RLF: variants seen among roughly 807,000 people sequenced by gnomAD.
RLF encodes RLF zinc finger, also known as zinc finger protein Rlf.
RLF carries 7 observed loss-of-function variants against 162.9 expected under a neutral mutation model. The observed-to-expected ratio is 0.04, with a 90% CI of 0.02 to 0.08. The LOEUF (loss-of-function observed/expected upper bound fraction) is 0.08, where lower values mean the gene tolerates loss of function less well. Among genes scored for constraint, RLF ranks in the 10% least tolerant of loss-of-function variants. RLF has a pLI of 1.00. For missense variants in RLF, 1,664 were observed against 2,244.7 expected (o/e 0.74, Z 5.23); for synonymous variants, 782 against 791.5 (o/e 0.99, Z 0.20).
rs1410420751 is a variant in RLF, at chr1:40,238,957, T to A, written c.4255T>A (p.Tyr1419Asn). Residue 1419 changes from tyrosine (Y) to asparagine (N), a missense_variant, in exon 8 of 8, where the codon TAT becomes AAT. Physicochemically the swap from Tyr to Asn is moderately radical, Grantham distance 143 (BLOSUM62 -2). Transcript: ENST00000372771. This position sits in a 1 kb window ranked among gnomAD's most constrained non-coding sequence, Gnocchi z 5.2. The part of the protein sequence containing the change: ...CNQPQCPAVF[Y>N]TFNKLKHHLM... ...CCAGCCTCAGTGCCCTGCTGTTTTTTATACATTCAACAAGTTGAAGCACCA... is the reference window on the plus strand; with the variant it reads ...CCAGCCTCAGTGCCCTGCTGTTTTTAATACATTCAACAAGTTGAAGCACCA... 1 of 1,614,100 alleles carries A rather than the reference T, an allele frequency of 6.2e-7. No individual in the cohort carries two copies. The highest frequency in any genetic ancestry group is 8.5e-7 in the Non-Finnish European group (1 of 1,180,034).
Position 40,184,149 on chromosome 1 carries a change from A to G in RLF, c.238-4906A>G, listed in dbSNP as rs117138703. Among the ~76,000 whole-genome samples, 142 of 152,348 alleles carry G rather than the reference A, an allele frequency of 9.3e-4. 1 individual carries two copies. The East Asian group carries it at 0.023, about 24-fold the overall frequency. ...TTATTAAAGAAAATTTGAGAAGTTT[A>G]GAAAAGTATAAAGATGACAAAAATT... On this transcript the variant is annotated intron_variant, in intron 1 of 7. Transcript: ENST00000372771.
intron 1 of RLF, among the ~76,000 whole-genome samples, chr1:40,186,543 C>T (rs887115742): frequency 4.6e-5 from 7 of 152,156 alleles, no homozygotes; most frequent in Non-Finnish European, 1.0e-4. Flanking sequence ...GTGGCAAGAG[C>T]GTTCTAAGTG....
At chr1:40,187,020 T>G (rs1322108437) in intron 1 of RLF, among the ~76,000 whole-genome samples, 1 of 151,998 alleles carries the variant, frequency 6.6e-6, no homozygotes, top group African/African-American at 2.4e-5. Context: ...TTTAATAAAT[T>G]TCTTTGTTTT....
At chr1:40,193,961 T>C (rs912047051) in intron 3 of RLF, among the ~76,000 whole-genome samples, 8 of 152,160 alleles carry the variant, frequency 5.3e-5, no homozygotes, top group African/African-American at 1.9e-4. Context: ...TTCAGGAGTT[T>C]AAAATAAGGG....
chr1:40,194,715 G>T (rs1197635291), intron 3 of RLF, among the ~76,000 whole-genome samples: 3 of 152,020 alleles, frequency 2.0e-5, no homozygotes, highest in Non-Finnish European at 1.5e-5. Context: ...CAACAGTAAT[G>T]CAAGGACCTA....
intron 2 of RLF, 78 bp downstream of exon 2, chr1:40,189,287 G>A (rs1642525821): frequency 3.4e-6 from 4 of 1,192,088 alleles, no homozygotes; most frequent in African/African-American, 3.0e-5. Flanking sequence ...CTTTACAGTG[G>A]CATCACATTT....
chr1:40,171,860 A>G (rs867376892), intron 1 of RLF, among the ~76,000 whole-genome samples: 1 of 152,282 alleles, frequency 6.6e-6, no homozygotes, highest in Admixed American at 6.5e-5. Context: ...CTCCTGTCAT[A>G]TACACTCTTA....
chr1:40,222,479 T>A (rs1204682997), intron 5 of RLF, 95 bp from the exon 6 acceptor site: 1 of 1,133,314 alleles, frequency 8.8e-7, no homozygotes, highest in African/African-American at 1.6e-5. Flanking sequence ...ATTATGTCTC[T>A]AATTTTTGCC....
chr1:40,186,166 A>G (rs1642477708), intron 1 of RLF, among the ~76,000 whole-genome samples: 1 of 151,956 alleles, frequency 6.6e-6, no homozygotes, highest in Admixed American at 6.6e-5. Context: ...AAAAAAACAA[A>G]AAGAAAGAAA....
At chr1:40,219,826 AAAGTT>A (rs1210371198) in intron 5 of RLF, among the ~76,000 whole-genome samples, 2 of 152,242 alleles carry the variant, frequency 1.3e-5, no homozygotes, top group Non-Finnish European at 2.9e-5. Context: ...ATAATTGGAG[AAAGTT>A]AAGTTTAATT....
At chr1:40,216,927 C>T (rs1484444790) in intron 5 of RLF, among the ~76,000 whole-genome samples, 1 of 152,122 alleles carries the variant, frequency 6.6e-6, no homozygotes. Context: ...TGACACGCAC[C>T]TGTAATCCCA....
intron 5 of RLF, among the ~76,000 whole-genome samples, chr1:40,211,830 T>C (rs1642869073): frequency 6.6e-6 from 1 of 152,162 alleles, no homozygotes; most frequent in Non-Finnish European, 1.5e-5. Context: ...CCGTTTCTAC[T>C]GGTGACCAGC....
Position 40,240,044 on chromosome 1 carries a change from A to G in RLF, c.5342A>G (p.Glu1781Gly), listed in dbSNP as rs1322584129. The G allele has an allele frequency of 2.5e-6, 4 of 1,614,130 alleles. No individual in the cohort carries two copies. Among genetic ancestry groups the G allele is most frequent in the Non-Finnish European group, 3.4e-6 (4 of 1,180,002 alleles). Residue 1781 changes from glutamate to glycine, a missense_variant, in exon 8 of 8, where the codon GAA (glutamate) becomes GGA (glycine). Physicochemically the swap from Glu to Gly is moderately conservative, Grantham distance 98. This residue lies in a region of RLF where 327 missense variants were observed against 342.7 expected (regional missense o/e 0.95). Coordinates refer to ENST00000372771, the MANE Select transcript of RLF (RefSeq NM_012421.4). ...TTTCTGAAATTTATTCAGGAAAGTG[A>G]AGAGAAAGAAGATGATTTTGATGAT... Reference protein sequence around the residue: ...SSFLKFIQESEEKEDDFDDWE... With the variant: ...SSFLKFIQESGEKEDDFDDWE...
Position 40,238,297 on chromosome 1 carries a change from A to G in RLF, c.3595A>G (p.Ser1199Gly), listed in dbSNP as rs1245371907. The part of the protein sequence containing the change: ...IHYKNKHQIG[S>G]DRATHKLLDN... ...TTATAAAAATAAACATCAAATTGGC[A>G]GTGACAGAGCAACTCACAAACTATT... is the stretch of plus-strand genomic sequence containing the variant. The change falls in exon 8 of 8, where the codon AGT becomes GGT. Residue 1199 changes from serine to glycine, a missense_variant. Coordinates refer to ENST00000372771, the MANE Select transcript of RLF (RefSeq NM_012421.4). This position sits in a 1 kb window ranked among gnomAD's most constrained non-coding sequence, Gnocchi z 5.2. 6.2e-7 allele frequency: 1 copy of G among 1,614,138 alleles called. No individual in the cohort carries two copies. Among genetic ancestry groups the G allele is most frequent in the Non-Finnish European group, 8.5e-7 (1 of 1,179,976 alleles).
chr1:40,190,706 T>C, intron 2 of RLF, 66 bp from the exon 3 acceptor site: 1 of 1,005,282 alleles, frequency 9.9e-7, no homozygotes, highest in Non-Finnish European at 1.5e-6. Flanking sequence ...ATTTTTAGTA[T>C]TGCTGTCATA....
chr1:40,186,962 CAGTA>C (rs763671023), intron 1 of RLF, among the ~76,000 whole-genome samples: 86 of 152,174 alleles, frequency 5.7e-4, no homozygotes, highest in African/African-American at 2.0e-3. Flanking sequence ...CCAATGCAGA[CAGTA>C]AGTAACTTAC....
intron 1 of RLF, among the ~76,000 whole-genome samples, chr1:40,165,693 A>G (rs868360151): frequency 1.5e-4 from 23 of 152,202 alleles, no homozygotes; most frequent in Middle Eastern, 3.4e-3. Context: ...TTGTTTTCTG[A>G]CTGACATCTG....
chr1:40,191,919 T>TAC (rs1642565455), intron 3 of RLF, among the ~76,000 whole-genome samples: 2 of 152,350 alleles, frequency 1.3e-5, no homozygotes, highest in Admixed American at 1.3e-4. Context: ...TGGACAAAGT[T>TAC]ACACACAGAT....
At chr1:40,163,206 G>A (rs1642120971) in intron 1 of RLF, among the ~76,000 whole-genome samples, 1 of 152,196 alleles carries the variant, frequency 6.6e-6, no homozygotes, top group African/African-American at 2.4e-5. Flanking sequence ...AAGACCCTAT[G>A]GGCTGCAAGG....
Sources: allele counts gnomAD v4.1 joint callset (sites outside exome capture counted in the v4.1 genomes callset), GRCh38; gene constraint gnomAD v4.1.1; regional missense constraint gnomAD v4.1.1; non-coding constraint Gnocchi (gnomAD v3.1); transcripts MANE v1.5; gene names NCBI Gene and HGNC (gene_info 2026-07-23, HGNC 2026-07-21).